RICTOR: variants seen among roughly 807,000 people sequenced by gnomAD.
The protein encoded by RICTOR is RPTOR independent companion of MTOR complex 2.
In RICTOR, 49 loss-of-function variants were observed where a neutral mutation model predicts 214.9. The observed-to-expected ratio is 0.23, with a 90% CI of 0.18 to 0.29. The LOEUF (loss-of-function observed/expected upper bound fraction) is 0.29, where lower values mean the gene tolerates loss of function less well. RICTOR is among the 10% of genes least tolerant of loss of function. The pLI is 1.00. For missense variants in RICTOR, 1,625 were observed against 2,047.0 expected (o/e 0.79, Z 3.98); for synonymous variants, 717 against 711.3 (o/e 1.01, Z -0.13).
At chr5:38,978,275 G>T (rs1456402915) in intron 9 of RICTOR, among the ~76,000 whole-genome samples, 3 of 151,902 alleles carry the variant, frequency 2.0e-5, no homozygotes, top group African/African-American at 7.3e-5. Context: ...ACTATCTACT[G>T]TTATTTCATT....
At chr5:39,055,824 G>C (rs1219959907) in intron 2 of RICTOR, among the ~76,000 whole-genome samples, 1 of 152,138 alleles carries the variant, frequency 6.6e-6, no homozygotes, top group African/African-American at 2.4e-5. Flanking sequence ...GAGTAGTTAC[G>C]AAGTCAATAG....
rs1264387713 is a variant in RICTOR at position 38,939,586 on chromosome 5, A to G, written c.*2718T>C. On this transcript the variant is annotated 3_prime_UTR_variant, in exon 38 of 38. Transcript: ENST00000357387. ...TATTTACTTAGTATGTGAGGCTGAAATCTGTTCTTGAAAAAAAGTTCAATT... is the reference window on the plus strand; with the variant it reads ...TATTTACTTAGTATGTGAGGCTGAAGTCTGTTCTTGAAAAAAAGTTCAATT... 1 of 231,572 alleles carries G rather than the reference A, an allele frequency of 4.3e-6. No homozygotes were observed. Among genetic ancestry groups the G allele is most frequent in the Non-Finnish European group, 8.5e-6 (1 of 117,152 alleles). 14.3% of individuals were successfully genotyped at this position (231,572 alleles called of 1,614,324 possible).
chr5:38,955,769 C>A, intron 25 of RICTOR, 65 bp from the exon 26 acceptor site: 1 of 880,300 alleles, frequency 1.1e-6, no homozygotes, highest in South Asian at 1.3e-5. Context: ...TAAAATATGT[C>A]AGATACTTAG....
Position 38,958,514 on chromosome 5 carries a change from A to G in RICTOR, c.2349T>C (p.Asn783=). The change falls in exon 24 of 38, where the codon AAT becomes AAC. Residue 783 remains asparagine, a synonymous_variant. Transcript: ENST00000357387. ...ILDEACEDKA[N]LHALIQMKPA... ...GTTTCATCTGAATGAGAGCATGAAG[A>G]TTGGCCTAAAAGAGATTATCATTAT... 6.2e-7 allele frequency: 1 copy of G among 1,611,092 alleles called. No individual in the cohort carries two copies. Among genetic ancestry groups the G allele is most frequent in the Non-Finnish European group, 8.5e-7 (1 of 1,177,828 alleles).
At chr5:39,053,816 C>A (rs1453113599) in intron 2 of RICTOR, among the ~76,000 whole-genome samples, 1 of 148,138 alleles carries the variant, frequency 6.8e-6, no homozygotes, top group Non-Finnish European at 1.5e-5. Flanking sequence ...GGCGTGAACC[C>A]CAGGGGGCGG....
In RICTOR at chr5:38,983,467, C is replaced by T. The variant is rs146516100; in HGVS notation, c.584-1431G>A. ...AAACATATTTTATTTTGGCTAATAA[C>T]CTGGCTAAAAGTTTTAAAATAATGC... On this transcript the variant is annotated intron_variant, in intron 7 of 37. Transcript: ENST00000357387. Among the ~76,000 whole-genome samples, 642 of 152,186 alleles carry T rather than the reference C, an allele frequency of 4.2e-3. 4 individuals carry two copies. Among genetic ancestry groups the T allele is most frequent in the African/African-American group, 0.014 (594 of 41,518 alleles).
Position 39,074,370 on chromosome 5 carries a change from G to A in RICTOR, c.8C>T (p.Ala3Val), listed in dbSNP as rs753147833. The change falls in exon 1 of 38, where the codon GCG (alanine) becomes GTG (valine). Residue 3 changes from alanine (A) to valine (V), a missense_variant. By Grantham distance (64) the Ala-to-Val change is moderately conservative. Transcript: ENST00000357387. Reference protein sequence around the residue: MAAIGRGRSLKNL... With the variant: MAVIGRGRSLKNL... ...CTTCAGAGAGCGGCCGCGGCCGATC[G>A]CCGCCATATTGACGGGTTTCAGTCA... is the stretch of plus-strand genomic sequence containing the variant. 46 of 1,538,504 alleles carry A rather than the reference G, an allele frequency of 3.0e-5. 2 individuals carry two copies. In the South Asian group the frequency reaches 5.5e-4, roughly 18 times the overall value.
At position 38,939,726 on chromosome 5, in the gene RICTOR, A is replaced by T. The variant is rs1007645215; in HGVS notation, c.*2578T>A. ...ATAGTACAAATTTATATGGACTAAG[A>T]TTAATCCTAAAATCTTTAAAAACTA... On this transcript the variant is annotated 3_prime_UTR_variant, in exon 38 of 38. Transcript: ENST00000357387. 1 of 229,528 alleles carries T rather than the reference A, an allele frequency of 4.4e-6. No individual in the cohort carries two copies. The allele number at this position is 229,528 out of a possible 1,614,324, so 14.2% of individuals were successfully genotyped here.
At chr5:39,068,559 T>A (rs538370013) in intron 2 of RICTOR, among the ~76,000 whole-genome samples, 1 of 152,120 alleles carries the variant, frequency 6.6e-6, no homozygotes, top group African/African-American at 2.4e-5. Context: ...AATGTGTGTA[T>A]GTGTTTTGTT....
intron 2 of RICTOR, among the ~76,000 whole-genome samples, chr5:39,060,258 CA>C (rs1369583701): frequency 1.3e-5 from 2 of 151,976 alleles, no homozygotes; most frequent in Non-Finnish European, 2.9e-5. Flanking sequence ...AATAAAAATT[CA>C]AAGTATGTAT....
chr5:39,021,179 T>G (rs1755396368), intron 2 of RICTOR, 43 bp from the exon 3 acceptor site: 1 of 1,083,960 alleles, frequency 9.2e-7, no homozygotes, highest in Non-Finnish European at 1.4e-6. Flanking sequence ...TTTATGAGTA[T>G]TTTCCTGTTC....
In RICTOR at chr5:38,940,395, T is replaced by A; in HGVS notation, c.*1909A>T. On this transcript the variant is annotated 3_prime_UTR_variant, in exon 38 of 38. Transcript: ENST00000357387. The stretch of plus-strand genomic sequence containing the variant: ...TTATGAATAAGATTACATTACTTCC[T>A]TTGGAGGTTTTAACCACTATTTGGT... 4.3e-6 allele frequency: 1 copy of A among 232,460 alleles called. No individual in the cohort carries two copies. 14.4% of individuals were successfully genotyped at this position (232,460 alleles called of 1,614,324 possible).
Position 38,944,371 on chromosome 5 carries a change from G to T in RICTOR, c.4913+75C>A, listed in dbSNP as rs527860461. On this transcript the variant is annotated intron_variant, in intron 36 of 37. Coordinates refer to ENST00000357387, the MANE Select transcript of RICTOR (RefSeq NM_152756.5). ...ATGTAAGTTAACTAGCCTAACTTTT[G>T]AAGTATTTCAAGTATCTTTTCTCGA... 7.9e-5 allele frequency: 114 copies of T among 1,436,956 alleles called. No individual in the cohort carries two copies. In the South Asian group the frequency reaches 1.3e-3, roughly 16 times the overall value. The allele number at this position is 1,436,956 out of a possible 1,614,324, so 89.0% of individuals were successfully genotyped here. A position where few individuals can be genotyped will look rare whatever the true frequency, so the allele number is the denominator to read the frequency against.
chr5:39,074,199 G>A (rs2150229991), intron 1 of RICTOR, 41 bp from the exon 2 acceptor site: 7 of 1,585,262 alleles, frequency 4.4e-6, no homozygotes, highest in Non-Finnish European at 6.0e-6. Flanking sequence ...GGATTGGCTC[G>A]CAGGCCAGCT....
intron 2 of RICTOR, among the ~76,000 whole-genome samples, chr5:39,040,017 C>T (rs1429635110): frequency 2.0e-5 from 3 of 152,156 alleles, no homozygotes; most frequent in Non-Finnish European, 2.9e-5. Context: ...CACATGCACA[C>T]GTATGTTTAC....
At chr5:38,953,428 T>C (rs1175802419) in intron 28 of RICTOR, 33 bp downstream of exon 28, 4 of 933,626 alleles carry the variant, frequency 4.3e-6, no homozygotes, top group Non-Finnish European at 6.4e-6. Flanking sequence ...ATCTAAAAAT[T>C]GCGAAGATCT....
chr5:39,055,114 A>G (rs1278779039), intron 2 of RICTOR, among the ~76,000 whole-genome samples: 2 of 152,192 alleles, frequency 1.3e-5, no homozygotes, highest in Admixed American at 6.5e-5. Context: ...TCCAAGGGGC[A>G]GAGTGATTTT....
rs70982535 is a variant in RICTOR, at chr5:39,028,175, C to CTTTTTTT, written c.98-7046_98-7040dup. On this transcript the variant is annotated intron_variant, in intron 2 of 37. Transcript: ENST00000357387. ...GAGAGGCCATGGAGCAACTGGAATTCTTTTTTTTTTTTTTTTTTTTTTTTT... is the reference window on the plus strand; with the variant it reads ...GAGAGGCCATGGAGCAACTGGAATTCTTTTTTTTTTTTTTTTTTTTTTTTTTTTTTTT... 4.0e-4 allele frequency among the ~76,000 whole-genome samples: 31 copies of CTTTTTTT among 78,434 alleles called. 1 individual carries two copies. Among genetic ancestry groups the CTTTTTTT allele is most frequent in the East Asian group, 8.6e-4 (2 of 2,330 alleles). The allele number at this position is 78,434 out of a possible 152,430, so 51.5% of individuals were successfully genotyped here.
chr5:38,972,988 C>T (rs1362814147), intron 10 of RICTOR, among the ~76,000 whole-genome samples: 1 of 140,476 alleles, frequency 7.1e-6, no homozygotes, highest in Non-Finnish European at 1.6e-5. Context: ...ATCATTCTGT[C>T]AAGTGAAAGA....
Sources: allele counts gnomAD v4.1 joint callset (sites outside exome capture counted in the v4.1 genomes callset), GRCh38; gene constraint gnomAD v4.1.1; transcripts MANE v1.5; gene names NCBI Gene and HGNC (gene_info 2026-07-23, HGNC 2026-07-21).